The following NLGN1 variants were observed in gnomAD, a reference collection of about 807,000 sequenced individuals.
NLGN1 encodes neuroligin 1, also known as neuroligin-1.
In NLGN1, 12 loss-of-function variants were observed where a neutral mutation model predicts 65.5. The ratio of observed to expected loss-of-function variants is 0.18; its 90% confidence interval spans 0.12 to 0.30. The LOEUF (loss-of-function observed/expected upper bound fraction) is 0.30. Among genes scored for constraint, NLGN1 ranks in the 10% least tolerant of loss-of-function variants. The pLI is 1.00. For missense variants in NLGN1, 750 were observed against 1,007.1 expected (o/e 0.74, Z 3.46); for synonymous variants, 350 against 359.5 (o/e 0.97, Z 0.30).
At chr3:173,595,359 A>G (rs7639394) in intron 2 of NLGN1, among the ~76,000 whole-genome samples, 137 of 152,308 alleles carry the variant, frequency 9.0e-4, no homozygotes, top group African/African-American at 3.2e-3. Context: ...ATGCCACCAG[A>G]GTCTTTGCTA....
intron 4 of NLGN1, among the ~76,000 whole-genome samples, chr3:174,138,406 C>T (rs1260093260): frequency 2.7e-5 from 4 of 149,628 alleles, no homozygotes; most frequent in Non-Finnish European, 5.9e-5. Context: ...ATTTACTCTA[C>T]ATTCACTAGT....
intron 5 of NLGN1, 53 bp downstream of exon 5, chr3:174,275,580 C>T (rs1037951429): frequency 9.6e-7 from 1 of 1,040,292 alleles, no homozygotes; most frequent in African/African-American, 1.6e-5. Flanking sequence ...ATGCCACCAC[C>T]ATCAGTAGTA....
intron 4 of NLGN1, among the ~76,000 whole-genome samples, chr3:173,966,672 G>T (rs865966104): frequency 6.6e-6 from 1 of 152,194 alleles, no homozygotes; most frequent in Non-Finnish European, 1.5e-5. Context: ...TGCTTAATCA[G>T]CAGTATCCAC....
At chr3:173,944,306 C>T (rs953031073) in intron 4 of NLGN1, among the ~76,000 whole-genome samples, 6 of 151,848 alleles carry the variant, frequency 4.0e-5, no homozygotes, top group African/African-American at 1.5e-4. Context: ...CACAAACATA[C>T]ATGTGGAGAA....
chr3:173,972,992 T>C (rs1474974307), intron 4 of NLGN1, among the ~76,000 whole-genome samples: 1 of 152,136 alleles, frequency 6.6e-6, no homozygotes, highest in Admixed American at 6.6e-5. Context: ...AAGCACACGT[T>C]CTGTGTTTAA....
intron 4 of NLGN1, among the ~76,000 whole-genome samples, chr3:173,830,592 G>A (rs2150590777): frequency 6.6e-6 from 1 of 151,824 alleles, no homozygotes; most frequent in East Asian, 1.9e-4. Flanking sequence ...GAAATATTGA[G>A]GAAATCCAAT....
chr3:173,492,848 G>C (rs1245387027), intron 2 of NLGN1, among the ~76,000 whole-genome samples: 1 of 151,740 alleles, frequency 6.6e-6, no homozygotes, highest in African/African-American at 2.4e-5. Context: ...TCATGCTAGA[G>C]AAACCCTATG....
At chr3:173,402,691 G>T (rs1163193589) in intron 1 of NLGN1, among the ~76,000 whole-genome samples, 10 of 152,142 alleles carry the variant, frequency 6.6e-5, no homozygotes, top group Admixed American at 6.5e-4. Flanking sequence ...CCCACTCAAA[G>T]CAGAAATGAA....
At chr3:173,528,357 C>A (rs1215679486) in intron 2 of NLGN1, among the ~76,000 whole-genome samples, 1 of 152,054 alleles carries the variant, frequency 6.6e-6, no homozygotes, top group East Asian at 1.9e-4. Flanking sequence ...TTCTCTCTAG[C>A]TGCTTTTAGA....
chr3:173,613,614 CTG>C (rs960518904), intron 3 of NLGN1, among the ~76,000 whole-genome samples: 8 of 152,046 alleles, frequency 5.3e-5, no homozygotes, highest in African/African-American at 1.9e-4. Flanking sequence ...CAATTTAAAA[CTG>C]TAATATTATT....
At chr3:174,242,220 G>T (rs1481289828) in intron 4 of NLGN1, among the ~76,000 whole-genome samples, 2 of 151,936 alleles carry the variant, frequency 1.3e-5, no homozygotes, top group Non-Finnish European at 2.9e-5. Flanking sequence ...AGACTGCTTG[G>T]TACACCATAA....
rs548953490 is a variant in NLGN1, at chr3:173,987,622, C to T, written c.646+179790C>T. Reference sequence around the variant, plus strand: ...CCAGCTTACCATAGAATAATAATATCATCATCCACAACACCACAATTATCA... The same window carrying T: ...CCAGCTTACCATAGAATAATAATATTATCATCCACAACACCACAATTATCA... On this transcript the variant is annotated intron_variant, in intron 4 of 6. Transcript: ENST00000457714. Among the ~76,000 whole-genome samples, 6 of 152,260 alleles carry T rather than the reference C, an allele frequency of 3.9e-5. No homozygotes were observed. In the South Asian group the frequency reaches 1.0e-3, roughly 26 times the overall value.
intron 3 of NLGN1, among the ~76,000 whole-genome samples, chr3:173,640,965 C>T (rs1208906875): frequency 6.6e-6 from 1 of 152,044 alleles, no homozygotes; most frequent in Non-Finnish European, 1.5e-5. Flanking sequence ...TAAGACAGTG[C>T]CCATCATATT....
At chr3:173,494,539 T>G (rs1729702254) in intron 2 of NLGN1, among the ~76,000 whole-genome samples, 1 of 151,766 alleles carries the variant, frequency 6.6e-6, no homozygotes, top group Non-Finnish European at 1.5e-5. Context: ...ATTTTTTGAT[T>G]TGATGAAGTC....
chr3:174,013,810 G>A (rs879470959), intron 4 of NLGN1, among the ~76,000 whole-genome samples: 10 of 152,110 alleles, frequency 6.6e-5, no homozygotes, highest in Admixed American at 5.9e-4. Flanking sequence ...TCAACATGCT[G>A]GGCTCACTCA....
chr3:173,547,695 T>TCCCAA (rs1446005287), intron 2 of NLGN1, among the ~76,000 whole-genome samples: 2 of 152,154 alleles, frequency 1.3e-5, no homozygotes, highest in African/African-American at 4.8e-5. Context: ...GTTTATTGCA[T>TCCCAA]TGGGATGAGA....
At chr3:173,669,280 A>G (rs190780145) in intron 3 of NLGN1, among the ~76,000 whole-genome samples, 6 of 152,292 alleles carry the variant, frequency 3.9e-5, no homozygotes, top group Admixed American at 2.0e-4. Context: ...TTAGTTTCCC[A>G]GGGCTATTGT....
intron 2 of NLGN1, among the ~76,000 whole-genome samples, chr3:173,566,693 G>A (rs1340771880): frequency 6.6e-6 from 1 of 151,898 alleles, no homozygotes; most frequent in African/African-American, 2.4e-5. Flanking sequence ...CCTTGCTTCA[G>A]CACTTATCAT....
chr3:173,489,318 A>C (rs1728711720), intron 2 of NLGN1, among the ~76,000 whole-genome samples: 2 of 151,516 alleles, frequency 1.3e-5, no homozygotes, highest in South Asian at 4.2e-4. Context: ...CCCAACTATG[A>C]GTGAGAACAT....
Sources: allele counts gnomAD v4.1 joint callset (sites outside exome capture counted in the v4.1 genomes callset), GRCh38; gene constraint gnomAD v4.1.1; transcripts MANE v1.5; gene names NCBI Gene and HGNC (gene_info 2026-07-23, HGNC 2026-07-21).